NBR1: variants seen among roughly 807,000 people sequenced by gnomAD.
NBR1 encodes the protein NBR1 autophagy cargo receptor, also known as next to BRCA1 gene 1 protein.
NBR1 carries 59 observed loss-of-function variants against 115.5 expected under a neutral mutation model. That is an observed-to-expected ratio of 0.51 (90% CI 0.41 to 0.63). NBR1 has a LOEUF of 0.63. Ranked by LOEUF, NBR1 falls within the 30% of genes least tolerant of loss-of-function variation. The pLI is 0.00. For missense variants in NBR1, 1,043 were observed against 1,150.5 expected (o/e 0.91, Z 1.35); for synonymous variants, 373 against 414.7 (o/e 0.90, Z 1.22).
chr17:43,177,747 A>G (rs1366196448), intron 2 of NBR1, among the ~76,000 whole-genome samples, 189 bp from the exon 3 acceptor site: 3 of 152,050 alleles, frequency 2.0e-5, no homozygotes, highest in African/African-American at 7.2e-5. Context: ...AATTTTATGT[A>G]TATTTTTACC....
At chr17:43,173,635 A>G (rs1166826789) in intron 1 of NBR1, among the ~76,000 whole-genome samples, 1 of 152,182 alleles carries the variant, frequency 6.6e-6, no homozygotes, top group East Asian at 1.9e-4. Flanking sequence ...GAACTTGCGT[A>G]CACATTTTTA....
intron 16 of NBR1, among the ~76,000 whole-genome samples, chr17:43,198,650 TAA>T (rs568527478): frequency 2.1e-5 from 3 of 141,190 alleles, no homozygotes; most frequent in African/African-American, 5.2e-5. Flanking sequence ...AGACTCCGTC[TAA>T]AAAAAAAAAA....
chr17:43,201,545 C>T (rs968482545), intron 17 of NBR1, 141 bp from the exon 18 acceptor site: 5 of 625,606 alleles, frequency 8.0e-6, no homozygotes, highest in Non-Finnish European at 1.1e-5. Context: ...ATGATGGAAC[C>T]CTAAATCCAG....
intron 5 of NBR1, among the ~76,000 whole-genome samples, chr17:43,182,298 A>C (rs148989444): frequency 7.0e-6 from 1 of 142,996 alleles, no homozygotes; most frequent in African/African-American, 2.6e-5. Context: ...GCTCACTGCA[A>C]CCTCCACCTC....
chr17:43,196,806 A>G (rs2057078665), intron 15 of NBR1, 136 bp from the exon 16 acceptor site: 2 of 997,640 alleles, frequency 2.0e-6, no homozygotes, highest in African/African-American at 1.6e-5. Context: ...AATGTTCTTC[A>G]GCACTTTAAA....
rs1236112001 is a variant in NBR1 at position 43,210,152 on chromosome 17, C to T, written c.*78C>T. 5.1e-6 allele frequency: 7 copies of T among 1,385,628 alleles called. No homozygotes were observed. The highest frequency in any genetic ancestry group is 1.5e-5 in the South Asian group (1 of 68,246). The allele number at this position is 1,385,628 out of a possible 1,614,324, so 85.8% of individuals were successfully genotyped here. On this transcript the variant is annotated 3_prime_UTR_variant, in exon 21 of 21. Coordinates refer to ENST00000590996, the MANE Select transcript of NBR1 (RefSeq NM_005899.5). ...TGTCATTGGGGTATGGGATAGAAGC[C>T]CTTGCTTATTTTTAATCTGATGAAT...
chr17:43,202,822 G>C, intron 19 of NBR1, 110 bp downstream of exon 19: 2 of 831,544 alleles, frequency 2.4e-6, no homozygotes, highest in Non-Finnish European at 3.8e-6. Context: ...AGCAGAGAAG[G>C]GGAGCCTTTG....
At chr17:43,189,235 G>C (rs955012760) in intron 7 of NBR1, 116 bp downstream of exon 7, 6 of 769,432 alleles carry the variant, frequency 7.8e-6, no homozygotes, top group East Asian at 7.5e-5. Context: ...AAGAGTGGTA[G>C]CTTATAATTT....
At chr17:43,176,874 C>T (rs542102021) in intron 2 of NBR1, among the ~76,000 whole-genome samples, 1 of 152,128 alleles carries the variant, frequency 6.6e-6, no homozygotes, top group African/African-American at 2.4e-5. Flanking sequence ...TTCTCCCCCC[C>T]CTCATCTGTT....
intron 18 of NBR1, 40 bp downstream of exon 18, chr17:43,201,820 C>T (rs763839963): frequency 3.4e-6 from 4 of 1,163,622 alleles, no homozygotes; most frequent in African/African-American, 1.5e-5. Context: ...TTCTCTGCTC[C>T]TGTCTAATGG....
chr17:43,171,555 G>T (rs2056369828), intron 1 of NBR1, among the ~76,000 whole-genome samples: 1 of 152,234 alleles, frequency 6.6e-6, no homozygotes, highest in Admixed American at 6.5e-5. Context: ...CGACTCCCCA[G>T]TGGAATGAGG....
intron 18 of NBR1, among the ~76,000 whole-genome samples, chr17:43,202,349 T>C (rs961125724): frequency 6.6e-6 from 1 of 152,162 alleles, no homozygotes; most frequent in Non-Finnish European, 1.5e-5. Flanking sequence ...CTTTCCTGAC[T>C]AGCAGTTCAG....
intron 4 of NBR1, among the ~76,000 whole-genome samples, chr17:43,179,881 G>T (rs1431351713): frequency 8.0e-6 from 1 of 124,986 alleles, no homozygotes; most frequent in Non-Finnish European, 1.8e-5. Context: ...CAGGTGAAAT[G>T]ATAGTATTAA....
Position 43,193,503 on chromosome 17 carries a change from C to G in NBR1, c.1389C>G (p.His463Gln). The G allele has an allele frequency of 1.2e-6, 2 of 1,613,720 alleles. No individual in the cohort carries two copies. The highest frequency in any genetic ancestry group is 1.1e-5 in the South Asian group (1 of 91,032). ...ATACTTCCCATTGGCGTCTTTCTCA[C>G]AAAGGCCAGCAATTTGGGCCTCGGG... ...GTYTSHWRLS[H>Q]KGQQFGPRVW... is the part of the protein sequence containing the mutation. The change falls in exon 12 of 21, where the codon CAC (histidine) becomes CAG (glutamine). Residue 463 changes from histidine (H) to glutamine (Q), a missense_variant. By Grantham distance (24) the His-to-Gln change is conservative (BLOSUM62 0). Coordinates refer to ENST00000590996, the MANE Select transcript of NBR1 (RefSeq NM_005899.5).
intron 20 of NBR1, among the ~76,000 whole-genome samples, chr17:43,204,852 A>G (rs1231854115): frequency 6.6e-6 from 1 of 150,706 alleles, no homozygotes; most frequent in Non-Finnish European, 1.5e-5. Flanking sequence ...ATGCACCTAC[A>G]GTCCCAGTTA....
intron 6 of NBR1, among the ~76,000 whole-genome samples, chr17:43,188,242 G>A (rs778762671): frequency 2.2e-4 from 33 of 152,166 alleles, no homozygotes; most frequent in Non-Finnish European, 4.1e-4. Context: ...TCATAGGTTT[G>A]TTGGCCGAAT....
intron 1 of NBR1, among the ~76,000 whole-genome samples, chr17:43,174,892 G>A (rs963105865): frequency 2.0e-5 from 3 of 150,100 alleles, no homozygotes; most frequent in East Asian, 2.0e-4. Flanking sequence ...TCAGGAGATC[G>A]AGACCATTTT....
At chr17:43,201,584 C>T in intron 17 of NBR1, 102 bp from the exon 18 acceptor site, 2 of 698,992 alleles carry the variant, frequency 2.9e-6, no homozygotes, top group Non-Finnish European at 2.6e-6. Flanking sequence ...AAATGTGAAG[C>T]CTCTGTAGAG....
At chr17:43,198,522 G>A (rs1034665274) in intron 16 of NBR1, among the ~76,000 whole-genome samples, 3 of 151,846 alleles carry the variant, frequency 2.0e-5, no homozygotes, top group Admixed American at 1.3e-4. Context: ...GCGTGGTAGC[G>A]TGTGCCTGTG....
Sources: allele counts gnomAD v4.1 joint callset (sites outside exome capture counted in the v4.1 genomes callset), GRCh38; gene constraint gnomAD v4.1.1; transcripts MANE v1.5; gene names NCBI Gene and HGNC (gene_info 2026-07-23, HGNC 2026-07-21).